Variants in EPSTI1 observed in about 807,000 individuals in gnomAD.
EPSTI1 encodes the protein epithelial stromal interaction 1.
Under a neutral mutation model 49.9 loss-of-function variants are expected in EPSTI1, and 66 were observed. The observed-to-expected ratio is 1.32, with a 90% CI of 1.08 to 1.62. The LOEUF (loss-of-function observed/expected upper bound fraction) is 1.62, where lower values mean the gene tolerates loss of function less well. Among genes scored for constraint, EPSTI1 ranks in the 40% most tolerant of loss-of-function variants. The pLI is 0.00. For missense variants in EPSTI1, 394 were observed against 365.5 expected (o/e 1.08, Z -0.64); for synonymous variants, 137 against 130.7 (o/e 1.05, Z -0.33).
chr13:42,887,054 T>C lies in EPSTI1; in HGVS notation c.*1440A>G, dbSNP rs2036885469. On this transcript the variant is annotated 3_prime_UTR_variant, in exon 11 of 11. Coordinates refer to ENST00000313624, the MANE Select transcript of EPSTI1 (RefSeq NM_033255.5). ...ATGGCTGCACACCACCACACTAAAA[T>C]GTCTGCTACAGCCGCACATTTACAA... The C allele has an allele frequency of 6.6e-6, 1 of 152,198 alleles. No homozygotes were observed. The highest frequency in any genetic ancestry group is 1.5e-5 in the Non-Finnish European group (1 of 68,046). The allele number at this position is 152,198 out of a possible 1,614,324, so 9.4% of individuals were successfully genotyped here.
chr13:42,991,411 A>T (rs1303812575), intron 1 of EPSTI1, among the ~76,000 whole-genome samples: 1 of 152,154 alleles, frequency 6.6e-6, no homozygotes, highest in Non-Finnish European at 1.5e-5. Context: ...TCAGCCTCCC[A>T]GGTAGCTGGG....
At chr13:42,959,562 C>A (rs1042954621) in intron 5 of EPSTI1, among the ~76,000 whole-genome samples, 1 of 152,204 alleles carries the variant, frequency 6.6e-6, no homozygotes, top group South Asian at 2.1e-4. Flanking sequence ...TGCAGCTCTG[C>A]ATCTAATATG....
chr13:42,897,568 T>G (rs73182087), intron 9 of EPSTI1, among the ~76,000 whole-genome samples: 1 of 152,292 alleles, frequency 6.6e-6, no homozygotes, highest in South Asian at 2.1e-4. Context: ...GGATGATGAG[T>G]GCAGACTGCA....
chr13:42,901,819 GGTTA>G (rs1431046916), intron 8 of EPSTI1, among the ~76,000 whole-genome samples: 2 of 151,938 alleles, frequency 1.3e-5, no homozygotes, highest in South Asian at 2.1e-4. Context: ...ACAATGTGCA[GGTTA>G]GTTACATATG....
chr13:42,948,913 G>A (rs374375908), intron 6 of EPSTI1, among the ~76,000 whole-genome samples: 1 of 152,262 alleles, frequency 6.6e-6, no homozygotes, highest in South Asian at 2.1e-4. Flanking sequence ...AGACTTAATG[G>A]ATTCCCTTGT....
intron 7 of EPSTI1, 33 bp from the exon 8 acceptor site, chr13:42,917,657 A>AAAAAAC: frequency 7.0e-7 from 1 of 1,435,840 alleles, no homozygotes; most frequent in Non-Finnish European, 9.4e-7. Flanking sequence ...AAAAAAAAAA[A>AAAAAAC]AACAACTTGA....
chr13:42,897,532 A>G (rs1178143030), intron 9 of EPSTI1, among the ~76,000 whole-genome samples: 1 of 152,230 alleles, frequency 6.6e-6, no homozygotes, highest in Non-Finnish European at 1.5e-5. Context: ...TTCCTGGCAC[A>G]CGTTCTTCAC....
intron 1 of EPSTI1, among the ~76,000 whole-genome samples, chr13:42,979,806 C>A (rs2039955903): frequency 6.6e-6 from 1 of 152,074 alleles, no homozygotes; most frequent in Admixed American, 6.6e-5. Context: ...TAAAAACAGT[C>A]TCCTACTTAA....
chr13:42,906,235 G>A (rs376135384), intron 8 of EPSTI1, among the ~76,000 whole-genome samples: 1 of 152,178 alleles, frequency 6.6e-6, no homozygotes, highest in South Asian at 2.1e-4. Flanking sequence ...GGCTCCAATT[G>A]TCTGATGGTG....
At chr13:42,892,737 T>C (rs1250693550) in intron 10 of EPSTI1, among the ~76,000 whole-genome samples, 1 of 152,122 alleles carries the variant, frequency 6.6e-6, no homozygotes, top group African/African-American at 2.4e-5. Context: ...TTCATAAGAA[T>C]GAATGAGTAT....
intron 8 of EPSTI1, among the ~76,000 whole-genome samples, chr13:42,906,561 G>A (rs908098902): frequency 4.6e-5 from 7 of 152,232 alleles, no homozygotes; most frequent in African/African-American, 1.7e-4. Flanking sequence ...AGACCATGAA[G>A]TCATGAAGTT....
intron 10 of EPSTI1, among the ~76,000 whole-genome samples, chr13:42,891,886 T>C (rs1468691038): frequency 6.6e-6 from 1 of 152,138 alleles, no homozygotes; most frequent in Non-Finnish European, 1.5e-5. Flanking sequence ...AAGGAAATTA[T>C]GTTTTAAAAG....
chr13:42,982,549 C>G (rs1022570439), intron 1 of EPSTI1, among the ~76,000 whole-genome samples: 18 of 152,162 alleles, frequency 1.2e-4, no homozygotes, highest in Admixed American at 5.9e-4. Flanking sequence ...GATCAGGACC[C>G]CTTGCCAGTA....
intron 8 of EPSTI1, among the ~76,000 whole-genome samples, chr13:42,903,365 T>C (rs2037414244): frequency 6.6e-6 from 1 of 152,002 alleles, no homozygotes; most frequent in Admixed American, 6.6e-5. Context: ...TTGAAAGATA[T>C]CATATGAGAA....
intron 6 of EPSTI1, among the ~76,000 whole-genome samples, chr13:42,939,928 C>T (rs905753638): frequency 6.6e-6 from 1 of 152,226 alleles, no homozygotes; most frequent in Non-Finnish European, 1.5e-5. Flanking sequence ...AGCTGAGCCA[C>T]CACCAACTCT....
In EPSTI1 at chr13:42,886,805, C is replaced by G. The variant is rs1338252278; in HGVS notation, c.*1689G>C. ...TCTGCACAATTTTTAAAAAATGGAA[C>G]TACCCATCTGCACAAAATCTTTGGG... On this transcript the variant is annotated 3_prime_UTR_variant, in exon 11 of 11. Transcript: ENST00000313624. 1 of 152,184 alleles carries G rather than the reference C, an allele frequency of 6.6e-6. No individual in the cohort carries two copies. The highest frequency in any genetic ancestry group is 1.5e-5 in the Non-Finnish European group (1 of 68,050). The allele number at this position is 152,184 out of a possible 1,614,324, so 9.4% of individuals were successfully genotyped here.
At chr13:42,944,105 G>A (rs923859893) in intron 6 of EPSTI1, among the ~76,000 whole-genome samples, 2 of 152,222 alleles carry the variant, frequency 1.3e-5, no homozygotes, top group Non-Finnish European at 2.9e-5. Flanking sequence ...GTGGAAGACA[G>A]TGTGGCAATT....
At chr13:42,976,806 T>A (rs1216947797) in intron 1 of EPSTI1, among the ~76,000 whole-genome samples, 1 of 152,192 alleles carries the variant, frequency 6.6e-6, no homozygotes, top group Non-Finnish European at 1.5e-5. Context: ...TCACATATAA[T>A]CCCACCTCTC....
chr13:42,894,606 TTGA>T (rs1351559953), intron 10 of EPSTI1, among the ~76,000 whole-genome samples: 2 of 152,106 alleles, frequency 1.3e-5, no homozygotes, highest in East Asian at 1.9e-4. Flanking sequence ...ACTGGTTTCT[TTGA>T]TGTGTTAGTT....
Sources: gnomAD v4.1 joint callset for allele counts (sites outside exome capture counted in the v4.1 genomes callset) on GRCh38, gnomAD v4.1.1 for gene constraint, MANE v1.5 for transcripts, NCBI Gene and HGNC (gene_info 2026-07-23, HGNC 2026-07-21) for gene names.